TTC29: variants seen among roughly 807,000 people sequenced by gnomAD.
TTC29 encodes tetratricopeptide repeat protein 29.
TTC29 carries 49 observed loss-of-function variants against 58.1 expected under a neutral mutation model. The ratio of observed to expected loss-of-function variants is 0.84; its 90% CI spans 0.67 to 1.07. The LOEUF (loss-of-function observed/expected upper bound fraction) is 1.07. Ranked by LOEUF, TTC29 falls within the 50% of genes least tolerant of loss-of-function variation. The probability of loss-of-function intolerance (pLI) is 0.00; values close to 1 mark genes in which losing one functional copy is unlikely to be tolerated. For synonymous variants in TTC29, 209 were observed against 196.8 expected (o/e 1.06, Z -0.52); for missense variants, 582 against 555.6 (o/e 1.05, Z -0.48).
At chr4:146,737,590 T>TGGC (rs1554007334) in intron 11 of TTC29, among the ~76,000 whole-genome samples, 1 of 93,976 alleles carries the variant, frequency 1.1e-5, no homozygotes, top group Non-Finnish European at 2.2e-5. Flanking sequence ...CTAGTAGCCC[T>TGGC]GGGGGGGGGG....
intron 6 of TTC29, among the ~76,000 whole-genome samples, chr4:146,888,931 A>G (rs1032153588): frequency 1.2e-4 from 19 of 152,156 alleles, no homozygotes; most frequent in African/African-American, 4.6e-4. Context: ...CTAGATTTAC[A>G]TAGTTAATTA....
chr4:146,721,487 G>A (rs1162083695), intron 11 of TTC29, among the ~76,000 whole-genome samples: 1 of 152,082 alleles, frequency 6.6e-6, no homozygotes, highest in Admixed American at 6.6e-5. Flanking sequence ...CCCTGTATCT[G>A]TAGCACCTTG....
At chr4:146,714,128 CA>C (rs1259188838) in intron 11 of TTC29, among the ~76,000 whole-genome samples, 1 of 151,896 alleles carries the variant, frequency 6.6e-6, no homozygotes, top group Non-Finnish European at 1.5e-5. Flanking sequence ...GGACATCAGA[CA>C]ACAAAAGCCA....
chr4:146,867,351 A>G, intron 8 of TTC29, 147 bp downstream of exon 8: 1 of 414,356 alleles, frequency 2.4e-6, no homozygotes, highest in Non-Finnish European at 4.3e-6. Context: ...CTTCTAGCAT[A>G]TTGCTATTCT....
At chr4:146,709,810 G>T (rs1430720462) in intron 11 of TTC29, among the ~76,000 whole-genome samples, 1 of 152,060 alleles carries the variant, frequency 6.6e-6, no homozygotes, top group East Asian at 1.9e-4. Context: ...AATGACAATA[G>T]GGAAAATTGT....
At chr4:146,837,504 A>T (rs990406500) in intron 8 of TTC29, among the ~76,000 whole-genome samples, 4 of 152,130 alleles carry the variant, frequency 2.6e-5, no homozygotes, top group Admixed American at 6.6e-5. Flanking sequence ...AAAGTTTTTT[A>T]AAAAGATACA....
At chr4:146,850,315 C>A (rs1241114242) in intron 8 of TTC29, among the ~76,000 whole-genome samples, 1 of 152,204 alleles carries the variant, frequency 6.6e-6, no homozygotes, top group Non-Finnish European at 1.5e-5. Context: ...CAAGGTCATA[C>A]AACTGGTAAA....
intron 11 of TTC29, among the ~76,000 whole-genome samples, chr4:146,751,331 T>A (rs565925116): frequency 6.6e-6 from 1 of 152,354 alleles, no homozygotes; most frequent in South Asian, 2.1e-4. Flanking sequence ...CCATAAATAC[T>A]GGTACTTGAA....
chr4:146,880,962 A>C (rs768410714), intron 6 of TTC29, among the ~76,000 whole-genome samples: 11 of 152,160 alleles, frequency 7.2e-5, no homozygotes, highest in Admixed American at 6.6e-5. Flanking sequence ...AAAAGAAAAA[A>C]AAGGAAAAAA....
intron 11 of TTC29, among the ~76,000 whole-genome samples, chr4:146,734,226 G>T (rs1744551108): frequency 6.6e-6 from 1 of 152,118 alleles, no homozygotes; most frequent in Non-Finnish European, 1.5e-5. Flanking sequence ...CAGCCAGCAA[G>T]AAGTGGCAAT....
intron 11 of TTC29, among the ~76,000 whole-genome samples, chr4:146,714,618 A>T (rs1742785560): frequency 6.6e-6 from 1 of 152,034 alleles, no homozygotes; most frequent in Non-Finnish European, 1.5e-5. Flanking sequence ...AAAAACCTAT[A>T]AAATGTACAA....
At chr4:146,713,141 T>TGTGTGTGTGTG (rs1742640384) in intron 11 of TTC29, among the ~76,000 whole-genome samples, 2 of 150,750 alleles carry the variant, frequency 1.3e-5, no homozygotes, top group South Asian at 2.1e-4. Context: ...TGTGTGTGTG[T>TGTGTGTGTGTG]AAGAGGTGGG....
At chr4:146,903,152 T>C (rs546369325) in intron 6 of TTC29, among the ~76,000 whole-genome samples, 10 of 152,280 alleles carry the variant, frequency 6.6e-5, no homozygotes, top group African/African-American at 2.4e-4. Context: ...AAAATCATGA[T>C]GAGGTGTTAC....
At chr4:146,775,962 C>G (rs1010925182) in intron 11 of TTC29, among the ~76,000 whole-genome samples, 7 of 152,064 alleles carry the variant, frequency 4.6e-5, no homozygotes, top group Non-Finnish European at 8.8e-5. Flanking sequence ...CCCATATTAC[C>G]CTTTGAGAAA....
At chr4:146,871,711 A>G (rs1561206887) in intron 7 of TTC29, among the ~76,000 whole-genome samples, 1 of 151,998 alleles carries the variant, frequency 6.6e-6, no homozygotes, top group African/African-American at 2.4e-5. Flanking sequence ...AGAAGGCAGT[A>G]CATATACACT....
At chr4:146,911,427 A>G (rs1733891201) in intron 4 of TTC29, among the ~76,000 whole-genome samples, 1 of 152,214 alleles carries the variant, frequency 6.6e-6, no homozygotes, top group Admixed American at 6.5e-5. Context: ...TCAGGTCAGC[A>G]TATTTCCAGA....
chr4:146,768,406 G>A (rs1483261950), intron 11 of TTC29, among the ~76,000 whole-genome samples: 1 of 152,022 alleles, frequency 6.6e-6, no homozygotes, highest in Non-Finnish European at 1.5e-5. Flanking sequence ...ATTTTGAAAA[G>A]TCAGAAGCAA....
chr4:146,846,839 T>C (rs1729204538), intron 8 of TTC29, among the ~76,000 whole-genome samples: 1 of 152,232 alleles, frequency 6.6e-6, no homozygotes. Flanking sequence ...AATTTCATTG[T>C]AGTTTCCTTT....
In TTC29 at chr4:146,939,879, G is replaced by C; in HGVS notation, c.17C>G (p.Pro6Arg). The C allele has an allele frequency of 6.2e-7, 1 of 1,612,914 alleles. No individual in the cohort carries two copies. Among genetic ancestry groups the C allele is most frequent in the Non-Finnish European group, 8.5e-7 (1 of 1,179,562 alleles). ...AAGCTTCGGGCGTGTCATGGGCAGT[G>C]GGGGCAGGGTGGTCATTTCGGACTA... MTTLPPLPMTRPKLTA... is the reference protein window; with the variant it reads MTTLPRLPMTRPKLTA... Residue 6 changes from proline to arginine, a missense_variant, in exon 3 of 13, where the codon CCA (proline) becomes CGA (arginine). Physicochemically the swap from Pro to Arg is moderately radical, Grantham distance 103. Coordinates refer to ENST00000325106, the MANE Select transcript of TTC29 (RefSeq NM_031956.4).
Sources: allele counts gnomAD v4.1 joint callset (sites outside exome capture counted in the v4.1 genomes callset), GRCh38; gene constraint gnomAD v4.1.1; transcripts MANE v1.5; gene names NCBI Gene and HGNC (gene_info 2026-07-23, HGNC 2026-07-21).